NHSL1: variants seen among roughly 807,000 people sequenced by gnomAD.
The protein encoded by NHSL1 is NHS-like protein 1.
A neutral mutation model predicts 95.0 loss-of-function variants in NHSL1; 48 were observed. That is an observed-to-expected ratio of 0.51 (90% CI 0.40 to 0.64). The LOEUF (loss-of-function observed/expected upper bound fraction) is 0.64. Ranked by LOEUF, NHSL1 falls within the 30% of genes least tolerant of loss-of-function variation. The pLI is 0.00. For synonymous variants in NHSL1, 783 were observed against 833.9 expected (o/e 0.94, Z 1.05); for missense variants, 1,971 against 2,077.7 (o/e 0.95, Z 1.00).
chr6:138,461,857 A>G (rs1285253416), intron 3 of NHSL1, among the ~76,000 whole-genome samples: 8 of 152,224 alleles, frequency 5.3e-5, no homozygotes, highest in Admixed American at 5.2e-4. Flanking sequence ...TGCAATCAAG[A>G]CAGAAAATTG....
intron 1 of NHSL1, among the ~76,000 whole-genome samples, chr6:138,497,209 T>C (rs550905961): frequency 5.3e-5 from 8 of 152,318 alleles, no homozygotes; most frequent in African/African-American, 1.9e-4. Flanking sequence ...ACGAGCTAAG[T>C]TGGGGCATCA....
chr6:138,434,160 T>C (rs1347393385), intron 5 of NHSL1, among the ~76,000 whole-genome samples: 1 of 152,216 alleles, frequency 6.6e-6, no homozygotes, highest in Admixed American at 6.5e-5. Flanking sequence ...AAAACAGTGT[T>C]AATTACATTA....
intron 1 of NHSL1, among the ~76,000 whole-genome samples, chr6:138,636,504 T>C (rs79792464): frequency 6.6e-6 from 1 of 152,142 alleles, no homozygotes; most frequent in African/African-American, 2.4e-5. Context: ...TAGAATCTTA[T>C]ATTCAGAAAA....
intron 1 of NHSL1, among the ~76,000 whole-genome samples, chr6:138,643,647 G>A (rs1784983776): frequency 6.6e-6 from 1 of 152,188 alleles, no homozygotes; most frequent in Non-Finnish European, 1.5e-5. Flanking sequence ...ATATATCTCA[G>A]TCATCAAAAT....
chr6:138,550,581 T>C (rs956613510), upstream of NHSL1, among the ~76,000 whole-genome samples: 1 of 152,200 alleles, frequency 6.6e-6, no homozygotes, highest in Non-Finnish European at 1.5e-5. Context: ...AGTTTAACAT[T>C]ATTATCTCTA....
chr6:138,469,628 G>A (rs914008041), intron 3 of NHSL1, among the ~76,000 whole-genome samples: 1 of 152,114 alleles, frequency 6.6e-6, no homozygotes, highest in African/African-American at 2.4e-5. Flanking sequence ...GGGAGGCTGA[G>A]GCAGGAGGAT....
chr6:138,609,237 AATGGTGCTGGAC>A (rs145406043), intron 1 of NHSL1, among the ~76,000 whole-genome samples: 4,411 of 152,258 alleles, frequency 0.029, 190 homozygotes, highest in African/African-American at 0.099. Context: ...AGCTCATAGA[AATGGTGCTGGAC>A]ATGGTGCAAG....
At chr6:138,650,113 G>A (rs1785069994) in intron 1 of NHSL1, 4 of 526,974 alleles carry the variant, frequency 7.6e-6, no homozygotes, top group South Asian at 3.1e-5. Context: ...CTGGGCGGGA[G>A]CACATCTGGT....
At chr6:138,523,688 C>T (rs930014753) in intron 1 of NHSL1, among the ~76,000 whole-genome samples, 3 of 142,296 alleles carry the variant, frequency 2.1e-5, no homozygotes, top group African/African-American at 7.9e-5. Context: ...AGACAGGAGA[C>T]TGACACAGGG....
At chr6:138,561,243 C>G (rs572132989) in intron 1 of NHSL1, among the ~76,000 whole-genome samples, 36 of 152,296 alleles carry the variant, frequency 2.4e-4, no homozygotes, top group African/African-American at 8.7e-4. Context: ...AGAAATTTGA[C>G]CAAGCTCCCA....
intron 3 of NHSL1, among the ~76,000 whole-genome samples, chr6:138,451,357 T>C (rs528169240): frequency 1.5e-4 from 23 of 152,340 alleles, no homozygotes; most frequent in African/African-American, 5.5e-4. Context: ...CCTCTTTTGT[T>C]GAGGTCTTAA....
At chr6:138,638,680 T>C (rs541163274) in intron 1 of NHSL1, among the ~76,000 whole-genome samples, 1 of 152,190 alleles carries the variant, frequency 6.6e-6, no homozygotes, top group Admixed American at 6.5e-5. Flanking sequence ...AAATGAAACT[T>C]GGGTACACTA....
chr6:138,603,066 G>A (rs1217143590), intron 1 of NHSL1, among the ~76,000 whole-genome samples: 1 of 152,062 alleles, frequency 6.6e-6, no homozygotes, highest in Non-Finnish European at 1.5e-5. Context: ...TTTCTTTTAT[G>A]GAAAGAAGAT....
At chr6:138,517,136 C>A (rs1418526797) in intron 1 of NHSL1, among the ~76,000 whole-genome samples, 2 of 152,214 alleles carry the variant, frequency 1.3e-5, no homozygotes, top group Non-Finnish European at 2.9e-5. Flanking sequence ...ATAACACTTT[C>A]TGCCTCTCTT....
At chr6:138,582,197 C>T (rs931204259) in intron 1 of NHSL1, among the ~76,000 whole-genome samples, 1 of 152,018 alleles carries the variant, frequency 6.6e-6, no homozygotes, top group Non-Finnish European at 1.5e-5. Context: ...GTGCCTGGCC[C>T]AAAGTGGCCT....
intron 1 of NHSL1, among the ~76,000 whole-genome samples, chr6:138,601,204 T>A (rs1471680095): frequency 6.6e-6 from 1 of 152,230 alleles, no homozygotes; most frequent in Non-Finnish European, 1.5e-5. Context: ...AATCTTTTGA[T>A]TATACTCCCT....
intron 1 of NHSL1, among the ~76,000 whole-genome samples, chr6:138,555,523 G>A (rs1343665773): frequency 6.6e-6 from 1 of 152,192 alleles, no homozygotes; most frequent in Admixed American, 6.5e-5. Flanking sequence ...AAAGGCTGCA[G>A]CCTGGTGCCC....
At chr6:138,511,590 A>C (rs938288005) in intron 1 of NHSL1, among the ~76,000 whole-genome samples, 1 of 152,090 alleles carries the variant, frequency 6.6e-6, no homozygotes, top group Non-Finnish European at 1.5e-5. Flanking sequence ...CCCAGCCACT[A>C]TAAGAATTTG....
At chr6:138,655,640 T>G (rs1471022945) in intron 1 of NHSL1, among the ~76,000 whole-genome samples, 7 of 152,178 alleles carry the variant, frequency 4.6e-5, no homozygotes, top group Non-Finnish European at 8.8e-5. Context: ...TGTCCTTTAC[T>G]TGCTAATACA....
Sources: allele counts gnomAD v4.1 joint callset (sites outside exome capture counted in the v4.1 genomes callset), GRCh38; gene constraint gnomAD v4.1.1; transcripts MANE v1.5; gene names NCBI Gene and HGNC (gene_info 2026-07-23, HGNC 2026-07-21).